The following GPR55 variants were observed in gnomAD, a reference collection of about 807,000 sequenced individuals.
GPR55 encodes G-protein coupled receptor 55.
A neutral mutation model predicts 7.9 loss-of-function variants in GPR55; 6 were observed. The observed-to-expected ratio is 0.76, with a 90% CI of 0.41 to 1.49. The LOEUF is 1.49. Among genes scored for constraint, GPR55 ranks in the 40% most tolerant of loss-of-function variants. The pLI is 0.01. For synonymous variants in GPR55, 183 were observed against 166.8 expected (o/e 1.10, Z -0.75); for missense variants, 376 against 406.0 (o/e 0.93, Z 0.63).
chr2:230,949,031 C>T (rs113094856), intron 1 of GPR55, among the ~76,000 whole-genome samples: 36,942 of 151,986 alleles, frequency 0.24, 4,814 homozygotes, highest in Non-Finnish European at 0.28. Flanking sequence ...ATGGTGCCAC[C>T]GCACTCCAGC....
At position 230,939,152 on chromosome 2, in the gene GPR55, G is replaced by A. The variant is rs116789013; in HGVS notation, c.-135+21623C>T. On this transcript the variant is annotated intron_variant, in intron 1 of 1. Transcript: ENST00000392039. The stretch of plus-strand genomic sequence containing the variant: ...CCCTGGGGCCTAGGCTGAGCACAGA[G>A]AACCAAGAGCTCAGCTTTGCCCCCA... Among the ~76,000 whole-genome samples the A allele has an allele frequency of 9.2e-3, 1,397 of 152,320 alleles. 22 individuals carry two copies. The highest frequency in any genetic ancestry group is 0.032 in the African/African-American group (1,345 of 41,552).
At chr2:230,942,397 C>T (rs971232439) in intron 1 of GPR55, among the ~76,000 whole-genome samples, 2 of 152,110 alleles carry the variant, frequency 1.3e-5, no homozygotes, top group Non-Finnish European at 2.9e-5. Flanking sequence ...GGCAGGAGTC[C>T]CAGACCAACC....
At chr2:230,928,790 G>A (rs925043802), upstream of GPR55, among the ~76,000 whole-genome samples, 1 of 152,198 alleles carries the variant, frequency 6.6e-6, no homozygotes, top group Non-Finnish European at 1.5e-5. Context: ...GAGGAAGGCA[G>A]GGGAACTCAG....
intron 1 of GPR55, among the ~76,000 whole-genome samples, chr2:230,943,755 C>A (rs530421356): frequency 2.2e-4 from 34 of 152,280 alleles, no homozygotes; most frequent in African/African-American, 8.2e-4. Context: ...CTTGCGAGAT[C>A]TGGCTGTTTG....
In GPR55 at chr2:230,939,836, C is replaced by T. The variant is rs1387406169; in HGVS notation, c.-135+20939G>A. 3.3e-5 allele frequency among the ~76,000 whole-genome samples: 5 copies of T among 152,048 alleles called. No homozygotes were observed. The East Asian group carries it at 9.7e-4, about 29-fold the overall frequency. On this transcript the variant is annotated intron_variant, in intron 1 of 1. Transcript: ENST00000392039. ...AGGAAGTCCTTGTTTCGGGAGGAAG[C>T]CAGTGCCACCATCCCTCCCCACCCA...
chr2:230,931,857 A>C (rs1574628639), intron 1 of GPR55, among the ~76,000 whole-genome samples: 1 of 149,902 alleles, frequency 6.7e-6, no homozygotes, highest in Non-Finnish European at 1.5e-5. Context: ...TGCCCACTCC[A>C]CCCCAGCCCC....
upstream of GPR55, among the ~76,000 whole-genome samples, chr2:230,927,495 T>C (rs1490425436): frequency 6.6e-6 from 1 of 151,842 alleles, no homozygotes; most frequent in Non-Finnish European, 1.5e-5. Context: ...GCCTGGGGAG[T>C]CATAAATAGG....
intron 1 of GPR55, among the ~76,000 whole-genome samples, chr2:230,955,626 T>C (rs1482906271): frequency 6.6e-6 from 1 of 152,224 alleles, no homozygotes; most frequent in East Asian, 1.9e-4. Context: ...ACAATTCAAA[T>C]GTAGAGAAGG....
upstream of GPR55, among the ~76,000 whole-genome samples, chr2:230,926,970 T>C (rs866862865): frequency 6.6e-6 from 1 of 152,148 alleles, no homozygotes; most frequent in Non-Finnish European, 1.5e-5. Context: ...GGATTACAGA[T>C]GTGAGCCACC....
chr2:230,958,017 C>CA (rs1260673865), intron 1 of GPR55: 1 of 314,968 alleles, frequency 3.2e-6, no homozygotes, highest in Non-Finnish European at 6.5e-6. Flanking sequence ...AGCTCAACCA[C>CA]ATAAAACATT....
intron 1 of GPR55, among the ~76,000 whole-genome samples, chr2:230,913,977 G>A (rs1474064582): frequency 6.6e-6 from 1 of 152,174 alleles, no homozygotes; most frequent in Non-Finnish European, 1.5e-5. Flanking sequence ...CTTTGTCTGG[G>A]TCACACTAAC....
chr2:230,952,207 T>C (rs1353619964), intron 1 of GPR55, among the ~76,000 whole-genome samples: 1 of 152,260 alleles, frequency 6.6e-6, no homozygotes, highest in African/African-American at 2.4e-5. Context: ...AGGGAAAGCC[T>C]GAGGGCGGGC....
chr2:230,944,437 AGGTGGAGGAGCC>A lies in GPR55; in HGVS notation c.-135+16326_-135+16337del, dbSNP rs1204476977. On this transcript the variant is annotated intron_variant, in intron 1 of 1. Coordinates refer to the GPR55 transcript ENST00000392039. The surrounding 1 kb of genome is among the most constrained non-coding windows in gnomAD (Gnocchi z 4.2). Reference sequence around the variant, plus strand: ...GGAAGGGGAGAAAGCCTGTGGAGGGAGGTGGAGGAGCCGTGGTTTCCAGTAACCATCGCTGGT... The same window carrying A: ...GGAAGGGGAGAAAGCCTGTGGAGGGAGTGGTTTCCAGTAACCATCGCTGGT... Among the ~76,000 whole-genome samples the A allele has an allele frequency of 2.0e-5, 3 of 152,126 alleles. No homozygotes were observed. The highest frequency in any genetic ancestry group is 1.3e-4 in the Admixed American group (2 of 15,280).
At chr2:230,957,325 G>A (rs1691506589) in intron 1 of GPR55, among the ~76,000 whole-genome samples, 1 of 152,222 alleles carries the variant, frequency 6.6e-6, no homozygotes, top group African/African-American at 2.4e-5. Flanking sequence ...AGTAAAATAA[G>A]GGTTCCTTGA....
At chr2:230,914,211 G>A (rs1690659047) in intron 1 of GPR55, among the ~76,000 whole-genome samples, 1 of 152,226 alleles carries the variant, frequency 6.6e-6, no homozygotes, top group South Asian at 2.1e-4. Flanking sequence ...TGATCTGACA[G>A]AAAGCACACA....
chr2:230,934,696 G>C (rs1050370232), intron 1 of GPR55, among the ~76,000 whole-genome samples: 1 of 152,162 alleles, frequency 6.6e-6, no homozygotes, highest in African/African-American at 2.4e-5. Flanking sequence ...TATCTGGGGT[G>C]GGGTGAGGAT....
At chr2:230,954,034 C>A (rs1447839221) in intron 1 of GPR55, among the ~76,000 whole-genome samples, 1 of 152,266 alleles carries the variant, frequency 6.6e-6, no homozygotes, top group Admixed American at 6.5e-5. Context: ...TTCTGGAAAC[C>A]ACAGCTTCCC....
intron 1 of GPR55, among the ~76,000 whole-genome samples, chr2:230,939,067 G>A (rs917746204): frequency 8.5e-5 from 13 of 152,296 alleles, no homozygotes; most frequent in South Asian, 4.2e-4. Context: ...TGAAGAGGCC[G>A]ACTAGCCAAC....
intron 1 of GPR55, among the ~76,000 whole-genome samples, chr2:230,951,879 C>A (rs1691409985): frequency 6.6e-6 from 1 of 151,972 alleles, no homozygotes; most frequent in Non-Finnish European, 1.5e-5. Flanking sequence ...TTACCTCAGC[C>A]TCCTGAGCAG....
Sources: allele counts gnomAD v4.1 joint callset (sites outside exome capture counted in the v4.1 genomes callset), GRCh38; gene constraint gnomAD v4.1.1; non-coding constraint Gnocchi (gnomAD v3.1); transcripts MANE v1.5; gene names NCBI Gene and HGNC (gene_info 2026-07-23, HGNC 2026-07-21).